The following PARVA variants were observed in gnomAD, a reference collection of about 807,000 sequenced individuals.
PARVA encodes the protein parvin alpha.
Under a neutral mutation model 52.6 loss-of-function variants are expected in PARVA, and 25 were observed. The observed-to-expected ratio is 0.48, with a 90% CI of 0.35 to 0.66. The LOEUF (loss-of-function observed/expected upper bound fraction) is 0.66. PARVA is among the 30% of genes least tolerant of loss of function. The pLI is 0.01. For synonymous variants in PARVA, 185 were observed against 179.1 expected (o/e 1.03, Z -0.26); for missense variants, 373 against 450.9 (o/e 0.83, Z 1.56).
chr11:12,377,820 G>C (rs900927312), intron 1 of PARVA, 37 bp downstream of exon 1: 3 of 1,449,368 alleles, frequency 2.1e-6, no homozygotes, highest in Non-Finnish European at 2.7e-6. Flanking sequence ...GGCGGTAGGA[G>C]CCGGGGGTGC....
Position 12,530,964 on chromosome 11 carries a change from G to C in PARVA, c.*3039G>C, listed in dbSNP as rs568107716. Among the ~76,000 whole-genome samples, 21 of 152,254 alleles carry C rather than the reference G, an allele frequency of 1.4e-4. No individual in the cohort carries two copies. The highest frequency in any genetic ancestry group is 4.8e-4 in the African/African-American group (20 of 41,544). Reference sequence around the variant, plus strand: ...CAGAGGCTGGGGCACATTATCAGAGGCATCCTCATGTGCCTCGAACCGAAT... The same window carrying C: ...CAGAGGCTGGGGCACATTATCAGAGCCATCCTCATGTGCCTCGAACCGAAT... On this transcript the variant is annotated 3_prime_UTR_variant, in exon 13 of 13. Coordinates refer to ENST00000334956, the MANE Select transcript of PARVA (RefSeq NM_018222.5).
At chr11:12,487,158 G>A (rs886526151) in intron 4 of PARVA, among the ~76,000 whole-genome samples, 1 of 152,168 alleles carries the variant, frequency 6.6e-6, no homozygotes, top group Admixed American at 6.5e-5. Context: ...AAACCAGGCT[G>A]ATTCTATGTG....
intron 5 of PARVA, among the ~76,000 whole-genome samples, chr11:12,501,122 A>G (rs1334530625): frequency 1.3e-5 from 2 of 151,832 alleles, no homozygotes. Context: ...AAAAAAAACA[A>G]TCTTTCCACT....
At chr11:12,513,930 G>A (rs367573301) in intron 9 of PARVA, 67 bp from the exon 10 acceptor site, 19,622 of 1,413,116 alleles carry the variant, frequency 0.014, 229 homozygotes, top group Middle Eastern at 0.024. Flanking sequence ...CGGGAGTCAC[G>A]GAGCAGCCAC....
Position 12,377,579 on chromosome 11 carries a change from CGCCGCCCGCT to C in PARVA, c.-66_-57del, listed in dbSNP as rs1939411601. 1 of 1,498,706 alleles carries C rather than the reference CGCCGCCCGCT, an allele frequency of 6.7e-7. No homozygotes were observed. Among genetic ancestry groups the C allele is most frequent in the Admixed American group, 2.4e-5 (1 of 42,182 alleles). 92.8% of individuals were successfully genotyped at this position (1,498,706 alleles called of 1,614,324 possible). On this transcript the variant is annotated 5_prime_UTR_variant, in exon 1 of 13. Transcript: ENST00000334956. Reference sequence around the variant, plus strand: ...TGGAAAGCCGCAGCCTCAGTCCCGCCGCCGCCCGCTGCGTCCGCCCAGCGCCAGCTCCGCG... The same window carrying C: ...TGGAAAGCCGCAGCCTCAGTCCCGCCGCGTCCGCCCAGCGCCAGCTCCGCG...
chr11:12,384,805 G>A (rs1041912145), intron 1 of PARVA, among the ~76,000 whole-genome samples: 10 of 152,172 alleles, frequency 6.6e-5, no homozygotes, highest in South Asian at 4.1e-4. Context: ...ATTGTGGAAC[G>A]GGGGTTGGTC....
chr11:12,413,927 T>A (rs1940028128), intron 1 of PARVA, among the ~76,000 whole-genome samples: 1 of 152,200 alleles, frequency 6.6e-6, no homozygotes, highest in African/African-American at 2.4e-5. Flanking sequence ...AGGAGGATAT[T>A]CAAAAACCTC....
chr11:12,530,387 AAAAAAAG>A lies in PARVA; in HGVS notation c.*2473_*2479del, dbSNP rs1478487105. ...AAAACAAACTTAATCTTCATCTTTA[AAAAAAAG>A]AAAAAAGAAACCAAAATGAGAATCA... On this transcript the variant is annotated 3_prime_UTR_variant, in exon 13 of 13. Transcript: ENST00000334956. 2 of 152,106 alleles carry A rather than the reference AAAAAAAG, an allele frequency of 1.3e-5. No individual in the cohort carries two copies. The highest frequency in any genetic ancestry group is 1.3e-4 in the Admixed American group (2 of 15,272). The allele number at this position is 152,106 out of a possible 1,614,324, so 9.4% of individuals were successfully genotyped here.
chr11:12,472,708 A>G (rs1194190127), intron 1 of PARVA, among the ~76,000 whole-genome samples: 1 of 152,166 alleles, frequency 6.6e-6, no homozygotes, highest in African/African-American at 2.4e-5. Context: ...AAATGGAAAG[A>G]TGGGACGCTG....
At chr11:12,485,061 A>G (rs1420078235) in intron 4 of PARVA, among the ~76,000 whole-genome samples, 1 of 151,738 alleles carries the variant, frequency 6.6e-6, no homozygotes, top group African/African-American at 2.4e-5. Context: ...TGATTCACCC[A>G]CCTTGGCCTC....
chr11:12,479,602 A>G (rs1941057719), intron 4 of PARVA: 1 of 152,100 alleles, frequency 6.6e-6, no homozygotes, highest in African/African-American at 2.4e-5. Flanking sequence ...GCCTGGCCCT[A>G]TAGTCACATT....
intron 1 of PARVA, among the ~76,000 whole-genome samples, chr11:12,453,204 C>T (rs74713143): frequency 0.075 from 11,359 of 151,320 alleles, 466 homozygotes; most frequent in Middle Eastern, 0.14. Flanking sequence ...TATTGTGGCT[C>T]TGTTGTTAGA....
At position 12,397,050 on chromosome 11, in the gene PARVA, C is replaced by T. The variant is rs192589029; in HGVS notation, c.136+19267C>T. 2.6e-5 allele frequency among the ~76,000 whole-genome samples: 4 copies of T among 151,600 alleles called. No homozygotes were observed. In the East Asian group the frequency reaches 5.8e-4, roughly 22 times the overall value. Reference sequence around the variant, plus strand: ...GTGTTCAGCGGTTTATTCTTTTTCACGTACCTATTTGTCCTGGGTATGTTT... The same window carrying T: ...GTGTTCAGCGGTTTATTCTTTTTCATGTACCTATTTGTCCTGGGTATGTTT... On this transcript the variant is annotated intron_variant, in intron 1 of 12. Coordinates refer to ENST00000334956, the MANE Select transcript of PARVA (RefSeq NM_018222.5).
At chr11:12,448,116 G>GC (rs1940572449) in intron 1 of PARVA, among the ~76,000 whole-genome samples, 1 of 152,182 alleles carries the variant, frequency 6.6e-6, no homozygotes, top group East Asian at 1.9e-4. Context: ...GTGCAGGGCT[G>GC]ACATCTGATT....
chr11:12,489,178 A>G (rs1431629527), intron 4 of PARVA, among the ~76,000 whole-genome samples: 1 of 151,890 alleles, frequency 6.6e-6, no homozygotes, highest in East Asian at 1.9e-4. Flanking sequence ...AAAAAAAAGA[A>G]AAAGAAAAAA....
intron 10 of PARVA, among the ~76,000 whole-genome samples, chr11:12,514,742 T>C (rs910894311): frequency 6.6e-6 from 1 of 152,208 alleles, no homozygotes; most frequent in Non-Finnish European, 1.5e-5. Flanking sequence ...CACCTTGGCC[T>C]CCCAAAGTGC....
At chr11:12,519,838 G>C (rs916798347) in intron 12 of PARVA, among the ~76,000 whole-genome samples, 3 of 152,192 alleles carry the variant, frequency 2.0e-5, no homozygotes, top group Non-Finnish European at 4.4e-5. Context: ...AGGACCTCTA[G>C]CAAGGCTGGT....
chr11:12,499,579 A>T (rs1184858082), intron 5 of PARVA, among the ~76,000 whole-genome samples: 2 of 152,046 alleles, frequency 1.3e-5, no homozygotes, highest in Middle Eastern at 6.8e-3. Context: ...ATGTATTTTA[A>T]TCTTTGTAAT....
At chr11:12,518,636 G>C in intron 12 of PARVA, 119 bp downstream of exon 12, 1 of 749,884 alleles carries the variant, frequency 1.3e-6, no homozygotes, top group African/African-American at 1.7e-5. Context: ...GGGGAAGGTG[G>C]GACTCGGTGC....
Sources: allele counts gnomAD v4.1 joint callset (sites outside exome capture counted in the v4.1 genomes callset), GRCh38; gene constraint gnomAD v4.1.1; transcripts MANE v1.5; gene names NCBI Gene and HGNC (gene_info 2026-07-23, HGNC 2026-07-21).